The following MGLL variants were observed in gnomAD, a reference collection of about 807,000 sequenced individuals.
MGLL encodes the protein lysophospholipase homolog.
Under a neutral mutation model 29.1 loss-of-function variants are expected in MGLL, and 7 were observed. The ratio of observed to expected loss-of-function variants is 0.24; its 90% CI spans 0.14 to 0.45. The LOEUF is 0.45. MGLL is among the 20% of genes least tolerant of loss of function. MGLL has a pLI of 0.99. For synonymous variants in MGLL, 148 were observed against 168.3 expected, an observed-to-expected ratio of 0.88 and a Z score of 0.93; for missense variants, 356 against 413.6, an observed-to-expected ratio of 0.86 and a Z score of 1.21.
chr3:127,694,921 C>T (rs2075327018), intron 7 of MGLL, 54 bp downstream of exon 7: 1 of 1,574,060 alleles, frequency 6.4e-7, no homozygotes, highest in Admixed American at 1.7e-5. Context: ...AGGGGTGCTG[C>T]CTTCCTGTCC....
At chr3:127,720,410 C>T (rs916342356) in intron 5 of MGLL, among the ~76,000 whole-genome samples, 3 of 152,150 alleles carry the variant, frequency 2.0e-5, no homozygotes, top group Admixed American at 1.3e-4. Flanking sequence ...ACAAGCAAGC[C>T]GCCCTACCGA....
intron 2 of MGLL, among the ~76,000 whole-genome samples, chr3:127,818,979 AC>A (rs1217730313): frequency 6.6e-6 from 1 of 152,188 alleles, no homozygotes; most frequent in African/African-American, 2.4e-5. Context: ...TTGCCTTGGT[AC>A]TGCCAAATGG....
At chr3:127,817,611 A>T (rs571604352) in intron 2 of MGLL, among the ~76,000 whole-genome samples, 1 of 152,358 alleles carries the variant, frequency 6.6e-6, no homozygotes, top group East Asian at 1.9e-4. Context: ...TCAGAGTTGT[A>T]CAATCATATA....
chr3:127,780,808 A>G (rs1233194867), intron 3 of MGLL, among the ~76,000 whole-genome samples: 1 of 152,260 alleles, frequency 6.6e-6, no homozygotes, highest in African/African-American at 2.4e-5. Context: ...TTTTCAAATC[A>G]GATAAAATGG....
In MGLL at chr3:127,822,429, G is replaced by T; in HGVS notation, c.-111C>A. On this transcript the variant is annotated 5_prime_UTR_variant, in exon 1 of 8. Transcript: ENST00000265052. Reference sequence around the variant, plus strand: ...CCCAAGGCAGCAGGAAGGCAGCTCCGAGCCCTCTTCCCGCACCCAGACCCT... The same window carrying T: ...CCCAAGGCAGCAGGAAGGCAGCTCCTAGCCCTCTTCCCGCACCCAGACCCT... 1.7e-6 allele frequency: 2 copies of T among 1,167,384 alleles called. No individual in the cohort carries two copies. Among genetic ancestry groups the T allele is most frequent in the African/African-American group, 1.5e-5 (1 of 65,604 alleles). 72.3% of individuals were successfully genotyped at this position (1,167,384 alleles called of 1,614,324 possible).
intron 3 of MGLL, among the ~76,000 whole-genome samples, chr3:127,772,610 G>A (rs2076968326): frequency 6.6e-6 from 1 of 152,204 alleles, no homozygotes; most frequent in Non-Finnish European, 1.5e-5. Flanking sequence ...CTAAAGCCAT[G>A]GGCTCCAGCA....
rs143687605 is a variant in MGLL, at chr3:127,697,659, G to A, written c.601-2469C>T. 5.8e-3 allele frequency among the ~76,000 whole-genome samples: 882 copies of A among 152,320 alleles called. 5 individuals carry two copies. The highest frequency in any genetic ancestry group is 0.014 in the Middle Eastern group (4 of 294). ...TTCTGGCCAATAGAAAGCAGGCAGG[G>A]GCTGTGTGCACATTCTGGGTTGACG... On this transcript the variant is annotated intron_variant, in intron 6 of 7. Transcript: ENST00000265052.
intron 3 of MGLL, among the ~76,000 whole-genome samples, chr3:127,727,137 T>C (rs2076060728): frequency 6.6e-6 from 1 of 152,210 alleles, no homozygotes; most frequent in Non-Finnish European, 1.5e-5. Context: ...TTCCCATTCA[T>C]TACCAAGAAC....
Position 127,821,781 on chromosome 3 carries a change from C to T in MGLL, c.68G>A (p.Ser23Asn), listed in dbSNP as rs759937903. 6 of 1,614,134 alleles carry T rather than the reference C, an allele frequency of 3.7e-6. No homozygotes were observed. In the South Asian group the frequency reaches 6.6e-5, roughly 18 times the overall value. The change falls in exon 2 of 8, where the codon AGC becomes AAC. Residue 23 changes from serine (S) to asparagine (N), a missense_variant. Physicochemically the swap from Ser to Asn is conservative, Grantham distance 46. Transcript: ENST00000265052. ...EESSPRRTPQ[S>N]IPYQDLPHLV... is the part of the protein sequence containing the mutation. ...GTGAGGGAGGTCCTGGTAGGGAATG[C>T]TCTGCGGGGTCCGCCTGGGGGAACT...
At chr3:127,710,218 G>A (rs1023635782) in intron 6 of MGLL, among the ~76,000 whole-genome samples, 5 of 152,286 alleles carry the variant, frequency 3.3e-5, no homozygotes, top group African/African-American at 1.2e-4. Context: ...GACTTTCAAC[G>A]CCCTGGATCC....
At chr3:127,822,203 A>AGTT (rs1198603398) in intron 1 of MGLL, 106 bp downstream of exon 1, 9 of 1,301,450 alleles carry the variant, frequency 6.9e-6, no homozygotes, top group Non-Finnish European at 3.3e-6. Context: ...AAGAAGACCC[A>AGTT]TCTATCTTAA....
intron 2 of MGLL, among the ~76,000 whole-genome samples, chr3:127,819,960 G>T (rs1051049192): frequency 6.6e-6 from 1 of 152,172 alleles, no homozygotes; most frequent in Admixed American, 6.5e-5. Context: ...GGGCAGGACA[G>T]GTAGGTAGGA....
chr3:127,757,770 C>T (rs1435337239), intron 3 of MGLL, among the ~76,000 whole-genome samples: 1 of 152,142 alleles, frequency 6.6e-6, no homozygotes, highest in Admixed American at 6.5e-5. Flanking sequence ...CTGGGTAGAT[C>T]CGAATCCAAG....
At chr3:127,736,886 G>C (rs923222490) in intron 3 of MGLL, among the ~76,000 whole-genome samples, 1 of 152,076 alleles carries the variant, frequency 6.6e-6, no homozygotes, top group African/African-American at 2.4e-5. Context: ...GTAGAGACAG[G>C]GTTTCACCTT....
At chr3:127,801,056 C>T (rs1191659878) in intron 2 of MGLL, among the ~76,000 whole-genome samples, 1 of 152,070 alleles carries the variant, frequency 6.6e-6, no homozygotes, top group Non-Finnish European at 1.5e-5. Flanking sequence ...AATCCCAGCA[C>T]TTTGGGAGGC....
intron 3 of MGLL, among the ~76,000 whole-genome samples, chr3:127,726,161 A>AAAG (rs1232217311): frequency 3.4e-5 from 1 of 29,732 alleles, no homozygotes; most frequent in South Asian, 7.7e-4. Flanking sequence ...AGAAAGAAAG[A>AAAG]AAGAAAGAAA....
intron 2 of MGLL, among the ~76,000 whole-genome samples, chr3:127,804,216 C>T (rs372729549): frequency 8.1e-4 from 124 of 152,334 alleles, no homozygotes; most frequent in African/African-American, 2.7e-3. Flanking sequence ...TGCAAGATGG[C>T]TAGTTAGGAG....
intron 6 of MGLL, among the ~76,000 whole-genome samples, chr3:127,702,011 C>T (rs2630210): frequency 0.33 from 50,444 of 152,114 alleles, 8,692 homozygotes; most frequent in Middle Eastern, 0.5. Flanking sequence ...CAACAGCTCT[C>T]ACCTGCTAGG....
At chr3:127,805,429 G>T (rs1371091794) in intron 2 of MGLL, among the ~76,000 whole-genome samples, 1 of 152,196 alleles carries the variant, frequency 6.6e-6, no homozygotes, top group Non-Finnish European at 1.5e-5. Flanking sequence ...GTGGGAGCGG[G>T]AGCTGAACAC....
Sources: allele counts gnomAD v4.1 joint callset (sites outside exome capture counted in the v4.1 genomes callset), GRCh38; gene constraint gnomAD v4.1.1; transcripts MANE v1.5; gene names NCBI Gene and HGNC (gene_info 2026-07-23, HGNC 2026-07-21).